The following CBLC variants were observed in gnomAD, a reference collection of about 807,000 sequenced individuals.
CBLC encodes Cbl proto-oncogene C, also known as E3 ubiquitin-protein ligase CBL-C.
CBLC carries 46 observed loss-of-function variants against 58.6 expected under a neutral mutation model. The ratio of observed to expected loss-of-function variants is 0.79; its 90% CI spans 0.62 to 1.00. The LOEUF is 1.00. Ranked by LOEUF, CBLC falls within the 50% of genes least tolerant of loss-of-function variation. CBLC has a pLI of 0.00. For missense variants in CBLC, 655 were observed against 625.8 expected (o/e 1.05, Z -0.50); for synonymous variants, 271 against 264.2 (o/e 1.03, Z -0.25).
chr19:44,793,651 A>G (rs778570821), intron 8 of CBLC, 31 bp downstream of exon 8: 2 of 1,545,146 alleles, frequency 1.3e-6, no homozygotes, highest in African/African-American at 3.3e-5. Context: ...GCTGGAATCC[A>G]AATTCCTGAG....
At chr19:44,787,515 C>T (rs747735142) in intron 5 of CBLC, among the ~76,000 whole-genome samples, 3 of 151,344 alleles carry the variant, frequency 2.0e-5, no homozygotes, top group African/African-American at 7.3e-5. Context: ...TTATTTGCAC[C>T]GGGCACCCAG....
At chr19:44,793,730 C>T in intron 8 of CBLC, 110 bp downstream of exon 8, 2 of 1,075,574 alleles carry the variant, frequency 1.9e-6, no homozygotes, top group Non-Finnish European at 2.7e-6. Context: ...GGCCTGGACT[C>T]CTGGGTCTGA....
chr19:44,785,790 T>G (rs1967888636), intron 5 of CBLC, among the ~76,000 whole-genome samples: 1 of 151,818 alleles, frequency 6.6e-6, no homozygotes, highest in Non-Finnish European at 1.5e-5. Context: ...TAAAAAAAAT[T>G]AGCTGGGTGC....
At position 44,781,216 on chromosome 19, in the gene CBLC, G is replaced by T. The variant is rs758998572; in HGVS notation, c.510G>T (p.Leu170=). 4.3e-6 allele frequency: 7 copies of T among 1,612,462 alleles called. No homozygotes were observed. Among genetic ancestry groups the T allele is most frequent in the South Asian group, 1.1e-5 (1 of 90,864 alleles). Residue 170 remains leucine, a synonymous_variant, in exon 3 of 11, where the codon CTG becomes CTT. Coordinates refer to ENST00000647358, the MANE Select transcript of CBLC (RefSeq NM_012116.4). Reference sequence around the variant, plus strand: ...CCCCTCTCCCACCCAGGTGTGTGCTGCCCTGGGCTGAGTTTGAGTCCCTCC... The same window carrying T: ...CCCCTCTCCCACCCAGGTGTGTGCTTCCCTGGGCTGAGTTTGAGTCCCTCC... ...WRESCGARCV[L]PWAEFESLLG...
intron 7 of CBLC, 149 bp downstream of exon 7, chr19:44,792,663 C>A: frequency 1.4e-6 from 1 of 724,570 alleles, no homozygotes; most frequent in Non-Finnish European, 2.1e-6. Flanking sequence ...AGGAGCCCGG[C>A]TGTCTTTCCC....
At chr19:44,793,897 TATGGGGGCCCGGACTCCTGGGTCTGAG>T (rs1968120930) in intron 8 of CBLC, among the ~76,000 whole-genome samples, 1 of 133,630 alleles carries the variant, frequency 7.5e-6, no homozygotes, top group African/African-American at 2.9e-5. Context: ...GGGAGGAGAA[TATGGGGGCCCGGACTCCTGGGTCTGAG>T]GGAGGAAGAG....
chr19:44,779,591 G>C (rs1340680945), intron 1 of CBLC, among the ~76,000 whole-genome samples: 1 of 147,676 alleles, frequency 6.8e-6, no homozygotes, highest in Non-Finnish European at 1.5e-5. Context: ...TGGCCCTGTC[G>C]CCCAGACTGG....
chr19:44,784,325 G>C lies in CBLC; in HGVS notation c.841G>C (p.Asp281His), dbSNP rs1967829584. The C allele has an allele frequency of 6.2e-7, 1 of 1,603,304 alleles. No homozygotes were observed. Residue 281 changes from aspartate to histidine, a missense_variant, in exon 5 of 11, where the codon GAT (aspartate) becomes CAT (histidine). By Grantham distance (81) the Asp-to-His change is moderately conservative. Transcript: ENST00000647358. The stretch of plus-strand genomic sequence containing the variant: ...GTGGGCCATCGGCTATGTGAGCTCA[G>C]ATGGCAGCATCCTGCAGACCATCCC... Reference protein sequence around the residue: ...GQWAIGYVSSDGSILQTIPAN... With the variant: ...GQWAIGYVSSHGSILQTIPAN...
chr19:44,799,129 G>A lies in CBLC; in HGVS notation c.1363-1252G>A, dbSNP rs949244512. 1.2e-4 allele frequency among the ~76,000 whole-genome samples: 19 copies of A among 152,156 alleles called. 1 individual carries two copies. Among genetic ancestry groups the A allele is most frequent in the Non-Finnish European group, 1.9e-4 (13 of 68,030 alleles). On this transcript the variant is annotated intron_variant, in intron 9 of 10. Coordinates refer to ENST00000647358, the MANE Select transcript of CBLC (RefSeq NM_012116.4). ...GTTCAGTGGAGCATCAGCTCCACCA[G>A]GACAAAGATAGTTTTCTGTCTTGTT...
Position 44,792,588 on chromosome 19 carries a change from A to G in CBLC, c.1137+74A>G, listed in dbSNP as rs897295420. ...CAGGGAAAGCCCCAAAAGGATCTCC[A>G]TGCCTCATTGATCATATGGGGAAAC... On this transcript the variant is annotated intron_variant, in intron 7 of 10. Transcript: ENST00000647358. 29 of 1,401,746 alleles carry G rather than the reference A, an allele frequency of 2.1e-5. No individual in the cohort carries two copies. In the South Asian group the frequency reaches 3.8e-4, roughly 18 times the overall value. The allele number at this position is 1,401,746 out of a possible 1,614,324, so 86.8% of individuals were successfully genotyped here.
rs991403675 is a variant in CBLC, at chr19:44,800,542, C to T, written c.*8-9C>T. The T allele has an allele frequency of 1.2e-5, 9 of 748,096 alleles. No homozygotes were observed. Among genetic ancestry groups the T allele is most frequent in the South Asian group, 6.8e-5 (4 of 58,396 alleles). The allele number at this position is 748,096 out of a possible 1,614,324, so 46.3% of individuals were successfully genotyped here. Reference sequence around the variant, plus strand: ...ACCTCATCTAACCCACCCCTCTCTCCGCCTACAGGGCACCCAGATGTGCTG... The same window carrying T: ...ACCTCATCTAACCCACCCCTCTCTCTGCCTACAGGGCACCCAGATGTGCTG... On this transcript the variant is annotated splice_polypyrimidine_tract_variant and intron_variant, in intron 10 of 10. Transcript: ENST00000647358.
At chr19:44,786,224 C>T (rs1176952332) in intron 5 of CBLC, among the ~76,000 whole-genome samples, 1 of 151,922 alleles carries the variant, frequency 6.6e-6, no homozygotes. Context: ...CACGCCACCA[C>T]GCCCGGCTGG....
At position 44,792,615 on chromosome 19, in the gene CBLC, G is replaced by C. The variant is rs1262646714; in HGVS notation, c.1137+101G>C. The C allele has an allele frequency of 6.3e-6, 8 of 1,263,862 alleles. No homozygotes were observed. The African/African-American group carries it at 7.7e-5, about 12-fold the overall frequency. 78.3% of individuals were successfully genotyped at this position (1,263,862 alleles called of 1,614,324 possible). On this transcript the variant is annotated intron_variant, in intron 7 of 10. Transcript: ENST00000647358. ...GCCTCATTGATCATATGGGGAAACC[G>C]AAGGCCAGAGAGGGCAAAGAGCTGA... is the stretch of plus-strand genomic sequence containing the variant.
chr19:44,784,424 G>A (rs763991828), intron 5 of CBLC, 23 bp downstream of exon 5: 7 of 1,553,672 alleles, frequency 4.5e-6, no homozygotes, highest in Admixed American at 1.7e-5. Context: ...TCTGGTAGGA[G>A]GAGGGTGTCA....
Position 44,790,101 on chromosome 19 carries a change from G to A in CBLC, c.1005+10G>A, listed in dbSNP as rs752342161. 17 of 1,603,234 alleles carry A rather than the reference G, an allele frequency of 1.1e-5. No individual in the cohort carries two copies. The East Asian group carries it at 2.0e-4, about 19-fold the overall frequency. The stretch of plus-strand genomic sequence containing the variant: ...CATCCACGTGTCAGAGGTGAGACCC[G>A]CACCTGCACCCGCAGTCCCAGTTCC... On this transcript the variant is annotated intron_variant, in intron 6 of 10. Transcript: ENST00000647358.
intron 5 of CBLC, among the ~76,000 whole-genome samples, chr19:44,784,701 G>GT (rs1388150353): frequency 2.6e-5 from 4 of 152,054 alleles, no homozygotes; most frequent in African/African-American, 9.7e-5. Context: ...GCTCAAGAGC[G>GT]TTTGCTTCTA....
At chr19:44,787,582 C>T (rs1473879945) in intron 5 of CBLC, among the ~76,000 whole-genome samples, 3 of 150,572 alleles carry the variant, frequency 2.0e-5, no homozygotes, top group African/African-American at 7.3e-5. Context: ...TTTGGGAGGC[C>T]GAGGCGGGCA....
chr19:44,794,517 T>G (rs979048730), intron 9 of CBLC, among the ~76,000 whole-genome samples: 3 of 142,158 alleles, frequency 2.1e-5, no homozygotes, highest in Non-Finnish European at 4.5e-5. Flanking sequence ...CAGGCTGGAG[T>G]GCAGTGGCGC....
chr19:44,780,121 C>T (rs58794487), intron 1 of CBLC, among the ~76,000 whole-genome samples: 4 of 151,842 alleles, frequency 2.6e-5, no homozygotes, highest in Admixed American at 2.6e-4. Flanking sequence ...AGCTGGATTT[C>T]TGCAAAATTC....
Sources: allele counts gnomAD v4.1 joint callset (sites outside exome capture counted in the v4.1 genomes callset), GRCh38; gene constraint gnomAD v4.1.1; transcripts MANE v1.5; gene names NCBI Gene and HGNC (gene_info 2026-07-23, HGNC 2026-07-21).